ATP8B3: variants seen among roughly 807,000 people sequenced by gnomAD.
The protein encoded by ATP8B3 is phospholipid-transporting ATPase IK.
Under a neutral mutation model 140.9 loss-of-function variants are expected in ATP8B3, and 141 were observed. The observed-to-expected ratio is 1.00, with a 90% CI of 0.87 to 1.15. ATP8B3 has a LOEUF of 1.15. Among genes scored for constraint, ATP8B3 ranks in the 50% most tolerant of loss-of-function variants. ATP8B3 has a pLI of 0.00. For missense variants in ATP8B3, 1,874 were observed against 1,740.6 expected, an observed-to-expected ratio of 1.08 and a Z score of -1.36; for synonymous variants, 765 against 714.6, an observed-to-expected ratio of 1.07 and a Z score of -1.13.
In ATP8B3 at chr19:1,800,316, A is replaced by T; in HGVS notation, c.1286T>A (p.Val429Asp). ...GAGCAGGATGAGGAAGCTCCAGAAG[A>T]CGAAGAAGGACTCTGCGGCCACGCT... ...GSSVAAESFF[V>D]FWSFLILLSV... The change falls in exon 13 of 29, where the codon GTC (valine) becomes GAC (aspartate). Residue 429 changes from valine to aspartate, a missense_variant. Physicochemically the swap from Val to Asp is radical, Grantham distance 152. Transcript: ENST00000310127. This position sits in a 1 kb window ranked among gnomAD's most constrained non-coding sequence, Gnocchi z 4.4. The T allele has an allele frequency of 6.2e-7, 1 of 1,612,902 alleles. No homozygotes were observed. The highest frequency in any genetic ancestry group is 8.5e-7 in the Non-Finnish European group (1 of 1,179,836).
At chr19:1,792,705 A>G (rs1319563123) in intron 18 of ATP8B3, among the ~76,000 whole-genome samples, 1 of 152,068 alleles carries the variant, frequency 6.6e-6, no homozygotes, top group African/African-American at 2.4e-5. Context: ...TGAGGCCAGG[A>G]GTTTGAGACC....
chr19:1,798,364 T>C (rs1012028327), intron 14 of ATP8B3, among the ~76,000 whole-genome samples: 2 of 152,012 alleles, frequency 1.3e-5, no homozygotes, highest in Non-Finnish European at 2.9e-5. Flanking sequence ...CACCACATCA[T>C]CAATTTTTGT....
Position 1,788,750 on chromosome 19 carries a change from G to A in ATP8B3, c.3069+147C>T, listed in dbSNP as rs918342227. 36 of 737,406 alleles carry A rather than the reference G, an allele frequency of 4.9e-5. No homozygotes were observed. In the East Asian group the frequency reaches 5.4e-4, roughly 11 times the overall value. 45.7% of individuals were successfully genotyped at this position (737,406 alleles called of 1,614,324 possible). ...ACCTGGACTCTAGGCCTCCACTAACGCAGCCTTGCCATGTGGCCTCAGGCA... is the reference window on the plus strand; with the variant it reads ...ACCTGGACTCTAGGCCTCCACTAACACAGCCTTGCCATGTGGCCTCAGGCA... On this transcript the variant is annotated intron_variant, in intron 24 of 28. Transcript: ENST00000310127.
At position 1,799,999 on chromosome 19, in the gene ATP8B3, G is replaced by T; in HGVS notation, c.1500C>A (p.Leu500=). The change falls in exon 14 of 29, where the codon CTC becomes CTA. Residue 500 remains leucine, a synonymous_variant. Transcript: ENST00000310127. ...EYIFSDKTGT[L]TQNILTFNKC... ...TGTTGAAGGTCAAGATGTTCTGCGT[G>T]AGCGTGCCCGTCTTGTCCGAGAAGA... 6.2e-7 allele frequency: 1 copy of T among 1,606,632 alleles called. No individual in the cohort carries two copies. Among genetic ancestry groups the T allele is most frequent in the South Asian group, 1.1e-5 (1 of 89,542 alleles).
In ATP8B3 at chr19:1,805,985, C is replaced by G. The variant is rs1368909221; in HGVS notation, c.751-27G>C. On this transcript the variant is annotated intron_variant, in intron 8 of 28. Transcript: ENST00000310127. The surrounding 1 kb of genome is among the most constrained non-coding windows in gnomAD (Gnocchi z 5.2). ...TGGTGTGGAGTGGGGGGCAGCGTTG[C>G]AAGAGGGGATGCAAGACAAATTGGG... 1 of 1,611,438 alleles carries G rather than the reference C, an allele frequency of 6.2e-7. No homozygotes were observed. The highest frequency in any genetic ancestry group is 8.5e-7 in the Non-Finnish European group (1 of 1,179,246).
chr19:1,797,473 TTTATTTA>T (rs2068718390), intron 14 of ATP8B3, among the ~76,000 whole-genome samples: 10 of 54,124 alleles, frequency 1.8e-4, no homozygotes, highest in African/African-American at 1.6e-3. Flanking sequence ...TTTATTTTTA[TTTATTTA>T]TTTATTTATT....
rs2069030780 is a variant in ATP8B3, at chr19:1,806,632, T to C, written c.673A>G (p.Lys225Glu). 6.4e-7 allele frequency: 1 copy of C among 1,558,474 alleles called. No homozygotes were observed. Residue 225 changes from lysine to glutamate, a missense_variant, in exon 7 of 29, where the codon AAG (lysine) becomes GAG (glutamate). Lys to Glu is a moderately conservative substitution (Grantham distance 56). Coordinates refer to ENST00000310127, the MANE Select transcript of ATP8B3 (RefSeq NM_138813.4). This position sits in a 1 kb window ranked among gnomAD's most constrained non-coding sequence, Gnocchi z 5.6. Reference sequence around the variant, plus strand: ...CAGCTGCAGCCCCAGCCTCACCTCTTCCCCATCAGAATCTGGCAGGGTCTG... The same window carrying C: ...CAGCTGCAGCCCCAGCCTCACCTCTCCCCCATCAGAATCTGGCAGGGTCTG... ...NNRPCQILMG[K>E]SFKQKKWQDL... is the part of the protein sequence containing the mutation.
Position 1,811,502 on chromosome 19 carries a change from A to G in ATP8B3, c.235T>C (p.Trp79Arg), listed in dbSNP as rs1399346648. The G allele has an allele frequency of 1.2e-6, 2 of 1,611,652 alleles. No homozygotes were observed. The highest frequency in any genetic ancestry group is 2.2e-5 in the East Asian group (1 of 44,848). Residue 79 changes from tryptophan (W) to arginine (R), a missense_variant, in exon 2 of 29, where the codon TGG becomes CGG. By Grantham distance (101) the Trp-to-Arg change is moderately radical. Around this residue, in one of 3 missense-constraint regions of ATP8B3, gnomAD observed 1,032 missense variants for 963.6 expected, o/e 1.07. Coordinates refer to ENST00000310127, the MANE Select transcript of ATP8B3 (RefSeq NM_138813.4). ...ACCCGTCCTCACCCTTCTGGTCTCC[A>G]TTCATACTTCCTAGCCCGGCCAGGC... The part of the protein sequence containing the change: ...AQPGRARKYE[W>R]RPEGPTSMGS...
At chr19:1,796,360 T>A in intron 16 of ATP8B3, 95 bp from the exon 17 acceptor site, 1 of 1,201,486 alleles carries the variant, frequency 8.3e-7, no homozygotes, top group Non-Finnish European at 1.1e-6. Flanking sequence ...GGGCTACACC[T>A]TTATTGATGG....
chr19:1,805,767 G>C lies in ATP8B3; in HGVS notation c.821+121C>G. 2 of 1,205,910 alleles carry C rather than the reference G, an allele frequency of 1.7e-6. No homozygotes were observed. The highest frequency in any genetic ancestry group is 5.0e-5 in the East Asian group (2 of 39,716). The allele number at this position is 1,205,910 out of a possible 1,614,324, so 74.7% of individuals were successfully genotyped here. ...CACCCACGCCCCAGACACTCATGGGGTGAGTGACCAAAGTCTCTGAGCGAC... is the reference window on the plus strand; with the variant it reads ...CACCCACGCCCCAGACACTCATGGGCTGAGTGACCAAAGTCTCTGAGCGAC... On this transcript the variant is annotated intron_variant, in intron 9 of 28. Coordinates refer to ENST00000310127, the MANE Select transcript of ATP8B3 (RefSeq NM_138813.4). The surrounding 1 kb of genome is among the most constrained non-coding windows in gnomAD (Gnocchi z 5.2).
chr19:1,783,478 A>G (rs1294138688), intron 28 of ATP8B3, among the ~76,000 whole-genome samples: 4 of 152,176 alleles, frequency 2.6e-5, no homozygotes, highest in Non-Finnish European at 4.4e-5. Context: ...TTCAAGACCC[A>G]CTAATTGGCC....
intron 10 of ATP8B3, among the ~76,000 whole-genome samples, chr19:1,803,971 G>A (rs1378000129): frequency 6.6e-6 from 1 of 151,446 alleles, no homozygotes; most frequent in Admixed American, 6.6e-5. Flanking sequence ...GAGGATGGGT[G>A]TGGCCCCCTC....
Position 1,800,330 on chromosome 19 carries a change from T to C in ATP8B3, c.1272A>G (p.Ala424=). The C allele has an allele frequency of 6.2e-7, 1 of 1,612,964 alleles. No individual in the cohort carries two copies. The part of the protein sequence containing the change: ...LSGVHGSSVA[A]ESFFVFWSFL... The stretch of plus-strand genomic sequence containing the variant: ...AGCTCCAGAAGACGAAGAAGGACTC[T>C]GCGGCCACGCTGCTCCCATGCACCC... Residue 424 remains alanine (A), a synonymous_variant, in exon 13 of 29, where the codon GCA becomes GCG. Transcript: ENST00000310127. This position sits in a 1 kb window ranked among gnomAD's most constrained non-coding sequence, Gnocchi z 4.4.
In ATP8B3 at chr19:1,789,010, C is replaced by T. The variant is rs747174059; in HGVS notation, c.2956G>A (p.Gly986Ser). ...CFLQRLLLVH[G>S]RWSYVRICKF... ...CAGATCCGCACGTAGGACCAGCGGC[C>T]GTGCACCAGCAGGAGGCGCTGCAGG... is the stretch of plus-strand genomic sequence containing the variant. The change falls in exon 24 of 29, where the codon GGC becomes AGC. Residue 986 changes from glycine to serine, a missense_variant. Gly to Ser is a moderately conservative substitution (Grantham distance 56). Coordinates refer to ENST00000310127, the MANE Select transcript of ATP8B3 (RefSeq NM_138813.4). 3 of 1,609,960 alleles carry T rather than the reference C, an allele frequency of 1.9e-6. No homozygotes were observed. Among genetic ancestry groups the T allele is most frequent in the South Asian group, 2.2e-5 (2 of 90,396 alleles).
At chr19:1,789,182 A>G (rs1276058820) in intron 23 of ATP8B3, 62 bp from the exon 24 acceptor site, 2 of 777,058 alleles carry the variant, frequency 2.6e-6, no homozygotes, top group East Asian at 4.2e-5. Context: ...GCCCCCCCAG[A>G]CCCCCGCACT....
intron 3 of ATP8B3, among the ~76,000 whole-genome samples, 192 bp from the exon 4 acceptor site, chr19:1,809,926 G>A (rs1344627372): frequency 2.6e-5 from 4 of 152,204 alleles, no homozygotes; most frequent in South Asian, 2.1e-4. Flanking sequence ...CATAGTTGGC[G>A]CCGGCACAAG....
Position 1,784,806 on chromosome 19 carries a change from A to T in ATP8B3, c.3660+13T>A, listed in dbSNP as rs1337471908. 6.3e-7 allele frequency: 1 copy of T among 1,589,606 alleles called. No homozygotes were observed. Among genetic ancestry groups the T allele is most frequent in the Middle Eastern group, 1.7e-4 (1 of 5,994 alleles). On this transcript the variant is annotated intron_variant, in intron 28 of 28. Transcript: ENST00000310127. ...TGTACCAGATGAGGACCCCAGGCCC[A>T]GGCCCACCTCACCTTGGCACGTAGC...
intron 25 of ATP8B3, among the ~76,000 whole-genome samples, chr19:1,786,552 C>T (rs12460966): frequency 0.29 from 41,913 of 146,896 alleles, 5,992 homozygotes; most frequent in East Asian, 0.46. Flanking sequence ...GGCGACAGAG[C>T]GAGACCCTGT....
rs986343132 is a variant in ATP8B3 at position 1,806,576 on chromosome 19, G to A, written c.677+52C>T. On this transcript the variant is annotated intron_variant, in intron 7 of 28. Coordinates refer to ENST00000310127, the MANE Select transcript of ATP8B3 (RefSeq NM_138813.4). This position sits in a 1 kb window ranked among gnomAD's most constrained non-coding sequence, Gnocchi z 5.6. ...ACTTGCCGAGGCCGATGACCCTGCTGGGCTGGAGCCCCCGTGTCCCCGCGG... is the reference window on the plus strand; with the variant it reads ...ACTTGCCGAGGCCGATGACCCTGCTAGGCTGGAGCCCCCGTGTCCCCGCGG... 2 of 1,548,732 alleles carry A rather than the reference G, an allele frequency of 1.3e-6. No homozygotes were observed. The highest frequency in any genetic ancestry group is 1.4e-5 in the African/African-American group (1 of 72,988).
Sources: gnomAD v4.1 joint callset for allele counts (sites outside exome capture counted in the v4.1 genomes callset) on GRCh38, gnomAD v4.1.1 for gene constraint, gnomAD v4.1.1 regional missense constraint, Gnocchi (gnomAD v3.1) non-coding constraint, MANE v1.5 for transcripts, NCBI Gene and HGNC (gene_info 2026-07-23, HGNC 2026-07-21) for gene names.